Variants in DENND2A observed in about 807,000 individuals in gnomAD.
DENND2A encodes DENN domain containing 2A.
A neutral mutation model predicts 105.3 loss-of-function variants in DENND2A; 53 were observed. That is an observed-to-expected ratio of 0.50 (90% confidence interval 0.40 to 0.63). The LOEUF is 0.63. Ranked by LOEUF, DENND2A falls within the 30% of genes least tolerant of loss-of-function variation. DENND2A has a pLI of 0.00. For synonymous variants in DENND2A, 522 were observed against 508.4 expected (o/e 1.03, Z -0.36); for missense variants, 1,138 against 1,279.6 (o/e 0.89, Z 1.69).
chr7:140,602,433 G>A lies in DENND2A; in HGVS notation c.-36C>T. The A allele has an allele frequency of 1.3e-6, 2 of 1,513,748 alleles. No individual in the cohort carries two copies. Among genetic ancestry groups the A allele is most frequent in the Middle Eastern group, 1.8e-4 (1 of 5,632 alleles). 93.8% of individuals were successfully genotyped at this position (1,513,748 alleles called of 1,614,324 possible). A position where few individuals can be genotyped will look rare whatever the true frequency, so the allele number is the denominator to read the frequency against. On this transcript the variant is annotated 5_prime_UTR_variant, in exon 3 of 20. Transcript: ENST00000496613. ...AGCGTGAGGTTGTGGAGGCCTTCCA[G>A]GGGACTCCTTCTGAAGCCTGACTCC... is the stretch of plus-strand genomic sequence containing the variant.
At chr7:140,626,329 G>A (rs777681287) in intron 1 of DENND2A, among the ~76,000 whole-genome samples, 8 of 152,196 alleles carry the variant, frequency 5.3e-5, no homozygotes. Context: ...CCCTCAGGCT[G>A]CCATTTTGTG....
chr7:140,552,323 T>G lies in DENND2A; in HGVS notation c.2037+3313A>C, dbSNP rs116201438. On this transcript the variant is annotated intron_variant, in intron 12 of 19. Transcript: ENST00000496613. ...TTCTCTCTTTTTCCCTTCTTTCATTTTCCCTTCCTTCCTTTCCCTCTCTCT... is the reference window on the plus strand; with the variant it reads ...TTCTCTCTTTTTCCCTTCTTTCATTGTCCCTTCCTTCCTTTCCCTCTCTCT... 2.1e-3 allele frequency among the ~76,000 whole-genome samples: 321 copies of G among 152,106 alleles called. 1 individual carries two copies. Among genetic ancestry groups the G allele is most frequent in the African/African-American group, 7.6e-3 (314 of 41,522 alleles).
intron 1 of DENND2A, among the ~76,000 whole-genome samples, chr7:140,624,056 G>C (rs916919534): frequency 4.6e-5 from 7 of 152,238 alleles, no homozygotes; most frequent in Admixed American, 1.3e-4. Context: ...AGAGGCTGCA[G>C]AGTCCGGATG....
At chr7:140,599,818 A>G (rs1449092864) in intron 3 of DENND2A, among the ~76,000 whole-genome samples, 1 of 152,142 alleles carries the variant, frequency 6.6e-6, no homozygotes, top group East Asian at 1.9e-4. Flanking sequence ...AAATTATGCT[A>G]TTTACAGCCA....
intron 1 of DENND2A, among the ~76,000 whole-genome samples, chr7:140,631,210 G>C (rs1800722000): frequency 6.6e-6 from 1 of 152,144 alleles, no homozygotes; most frequent in Non-Finnish European, 1.5e-5. Context: ...TCAGCAGATG[G>C]ATAGGAATAG....
At chr7:140,622,435 C>T (rs753398509) in intron 1 of DENND2A, among the ~76,000 whole-genome samples, 7 of 152,058 alleles carry the variant, frequency 4.6e-5, no homozygotes. Flanking sequence ...TTCAAGTTTA[C>T]AGAACCGTTG....
chr7:140,592,839 G>A (rs1799118591), intron 3 of DENND2A, among the ~76,000 whole-genome samples: 1 of 152,064 alleles, frequency 6.6e-6, no homozygotes, highest in South Asian at 2.1e-4. Flanking sequence ...CTGGGCTCAA[G>A]CGACCCACCC....
chr7:140,518,806 T>G, intron 19 of DENND2A, 68 bp from the exon 20 acceptor site: 1 of 1,548,110 alleles, frequency 6.5e-7, no homozygotes, highest in East Asian at 2.3e-5. Flanking sequence ...TCTTGCCCTT[T>G]CCACCCAGAA....
chr7:140,558,534 A>G, intron 10 of DENND2A, among the ~76,000 whole-genome samples: 1 of 152,076 alleles, frequency 6.6e-6, no homozygotes, highest in Non-Finnish European at 1.5e-5. Context: ...TGTCTCTACT[A>G]AAAATACAAA....
intron 3 of DENND2A, 67 bp from the exon 4 acceptor site, chr7:140,587,847 T>C: frequency 7.0e-7 from 1 of 1,423,998 alleles, no homozygotes; most frequent in Non-Finnish European, 9.3e-7. Flanking sequence ...TCAGAGAATA[T>C]ATTAATATAT....
At position 140,519,724 on chromosome 7, in the gene DENND2A, A is replaced by C; in HGVS notation, c.2912-6T>G. On this transcript the variant is annotated splice_region_variant and splice_polypyrimidine_tract_variant and intron_variant, in intron 18 of 19. Transcript: ENST00000496613. ...GGCTCGGACCTCAAACAGACCTGTT[A>C]ACAAGAGAAATCCCAGCCATTTGAG... The C allele has an allele frequency of 6.2e-7, 1 of 1,613,676 alleles. No individual in the cohort carries two copies. Among genetic ancestry groups the C allele is most frequent in the Non-Finnish European group, 8.5e-7 (1 of 1,179,560 alleles).
intron 12 of DENND2A, 122 bp from the exon 13 acceptor site, chr7:140,547,061 C>T: frequency 7.6e-7 from 1 of 1,311,332 alleles, no homozygotes; most frequent in Non-Finnish European, 1.0e-6. Context: ...CTGCTTTCCC[C>T]ATGAGGCCAA....
At position 140,518,710 on chromosome 7, in the gene DENND2A, T is replaced by G. The variant is rs1795746824; in HGVS notation, c.3027A>C (p.Lys1009Asn). ...AGTTTTCCCTTGAGGCTGAGAGTTA[T>G]TTCTTGTGGAGAAATTTCATTTTAT... ...LGNKMKFLHK[K>N] Residue 1009 changes from lysine (K) to asparagine (N), a missense_variant, in exon 20 of 20, where the codon AAA (lysine) becomes AAC (asparagine). Coordinates refer to ENST00000496613, the MANE Select transcript of DENND2A (RefSeq NM_015689.5). 6.2e-7 allele frequency: 1 copy of G among 1,613,738 alleles called. No individual in the cohort carries two copies. Among genetic ancestry groups the G allele is most frequent in the Non-Finnish European group, 8.5e-7 (1 of 1,179,634 alleles).
chr7:140,526,617 C>T (rs1796064511), intron 15 of DENND2A, among the ~76,000 whole-genome samples: 1 of 152,200 alleles, frequency 6.6e-6, no homozygotes, highest in African/African-American at 2.4e-5. Flanking sequence ...AGACGAACTC[C>T]TGGCTGCCCT....
In DENND2A at chr7:140,594,836, C is replaced by T. The variant is rs904478895; in HGVS notation, c.995+6567G>A. ...GTTCAAGCGATTCTCCTGCCTCAGC[C>T]TCTCAAGTAGCTGGGACTACAAGTG... is the stretch of plus-strand genomic sequence containing the variant. On this transcript the variant is annotated intron_variant, in intron 3 of 19. Coordinates refer to ENST00000496613, the MANE Select transcript of DENND2A (RefSeq NM_015689.5). 2.6e-5 allele frequency among the ~76,000 whole-genome samples: 4 copies of T among 152,184 alleles called. No individual in the cohort carries two copies. The East Asian group carries it at 5.8e-4, about 22-fold the overall frequency.
At position 140,558,149 on chromosome 7, in the gene DENND2A, T is replaced by C. The variant is rs199683689; in HGVS notation, c.1953A>G (p.Arg651=). The change falls in exon 11 of 20, where the codon AGA becomes AGG. Residue 651 remains arginine, a synonymous_variant. Transcript: ENST00000496613. The stretch of plus-strand genomic sequence containing the variant: ...GAAAGCAGAATGTACTCACCAGCAG[T>C]CTTCGGCAGTAACCGAACCTTCTGC... ...DGSRRFGYCR[R]LLPGGKGKRL... The C allele has an allele frequency of 2.7e-5, 44 of 1,613,346 alleles. No homozygotes were observed. The highest frequency in any genetic ancestry group is 3.5e-5 in the Non-Finnish European group (41 of 1,179,444).
chr7:140,535,018 G>T (rs2130493068), intron 14 of DENND2A, among the ~76,000 whole-genome samples: 2 of 152,284 alleles, frequency 1.3e-5, no homozygotes, highest in African/African-American at 4.8e-5. Flanking sequence ...GAATGCCAAA[G>T]TTTTCCTGGA....
chr7:140,544,893 A>G lies in DENND2A; in HGVS notation c.2179-127T>C, dbSNP rs1051291081. 2.0e-6 allele frequency: 3 copies of G among 1,466,692 alleles called. No individual in the cohort carries two copies. The African/African-American group carries it at 4.3e-5, about 21-fold the overall frequency. 90.9% of individuals were successfully genotyped at this position (1,466,692 alleles called of 1,614,324 possible). A position where few individuals can be genotyped will look rare whatever the true frequency, so the allele number is the denominator to read the frequency against. ...GACCCACTGGTGGGGGAAAAGGGAA[A>G]GAAAAAAAGCAAAACAAAAGGATTG... is the stretch of plus-strand genomic sequence containing the variant. On this transcript the variant is annotated intron_variant, in intron 13 of 19. Transcript: ENST00000496613.
At chr7:140,613,681 A>C (rs767177060) in intron 1 of DENND2A, among the ~76,000 whole-genome samples, 8,825 of 140,602 alleles carry the variant, frequency 0.063, 599 homozygotes, top group African/African-American at 0.18. Context: ...AAAAAAAAAA[A>C]ACAAACAAAA....
Sources: allele counts gnomAD v4.1 joint callset (sites outside exome capture counted in the v4.1 genomes callset), GRCh38; gene constraint gnomAD v4.1.1; transcripts MANE v1.5; gene names NCBI Gene and HGNC (gene_info 2026-07-23, HGNC 2026-07-21).